LMF1: variants seen among roughly 807,000 people sequenced by gnomAD.
The protein encoded by LMF1 is transmembrane protein 112.
LMF1 carries 68 observed loss-of-function variants against 60.6 expected under a neutral mutation model. The observed-to-expected ratio is 1.12, with a 90% CI of 0.92 to 1.37. The LOEUF is 1.37. Ranked by LOEUF, LMF1 falls within the 40% of genes most tolerant of loss-of-function variation. The pLI, the probability that LMF1 is intolerant of heterozygous loss-of-function variation, is 0.00. For synonymous variants in LMF1, 418 were observed against 324.7 expected (o/e 1.29, Z -3.09); for missense variants, 948 against 767.2 (o/e 1.24, Z -2.78).
At chr16:898,452 C>G (rs773956100) in intron 4 of LMF1, among the ~76,000 whole-genome samples, 3 of 152,232 alleles carry the variant, frequency 2.0e-5, no homozygotes, top group Non-Finnish European at 2.9e-5. Flanking sequence ...AGAGGCTTGT[C>G]TGTCTGAAAA....
At chr16:893,274 CAGG>C in intron 4 of LMF1, 1 of 675,078 alleles carries the variant, frequency 1.5e-6, no homozygotes, top group Non-Finnish European at 2.7e-6. Context: ...GCTTTGAGGA[CAGG>C]AGTTTAGTGC....
intron 1 of LMF1, chr16:979,899 CTCTG>C (rs1567352380): frequency 2.6e-6 from 1 of 386,860 alleles, no homozygotes; most frequent in African/African-American, 2.1e-5. Context: ...CCAGGCGATG[CTCTG>C]AGGGCCACGG....
chr16:927,307 C>G (rs146747952), intron 3 of LMF1, among the ~76,000 whole-genome samples: 9 of 152,222 alleles, frequency 5.9e-5, no homozygotes, highest in African/African-American at 2.2e-4. Context: ...ACCAGAGACA[C>G]GCAGGACCAC....
intron 8 of LMF1, 82 bp from the exon 9 acceptor site, chr16:870,148 G>T: frequency 6.8e-7 from 1 of 1,460,862 alleles, no homozygotes; most frequent in Non-Finnish European, 9.2e-7. Context: ...GGGGTTCCCC[G>T]ACTGTCCATC....
intron 1 of LMF1, among the ~76,000 whole-genome samples, chr16:965,734 G>A (rs182310384): frequency 2.6e-4 from 39 of 152,330 alleles, no homozygotes; most frequent in African/African-American, 8.4e-4. Flanking sequence ...AACCAAGGGA[G>A]GGCTGTGGCA....
intron 3 of LMF1, among the ~76,000 whole-genome samples, chr16:916,290 T>C (rs2071276628): frequency 6.6e-6 from 1 of 152,174 alleles, no homozygotes; most frequent in South Asian, 2.1e-4. Flanking sequence ...AGGAAATCCA[T>C]TAAGTTCGCT....
At chr16:891,549 C>T (rs148168898) in intron 5 of LMF1, among the ~76,000 whole-genome samples, 142 of 152,318 alleles carry the variant, frequency 9.3e-4, no homozygotes, top group Non-Finnish European at 1.5e-3. Flanking sequence ...CAGTGAGATG[C>T]GCTATGGAGC....
At position 954,676 on chromosome 16, in the gene LMF1, A is replaced by C; in HGVS notation, c.194-10T>G. On this transcript the variant is annotated splice_polypyrimidine_tract_variant and intron_variant, in intron 1 of 10. Transcript: ENST00000262301. ...ACCAGGAATGCCACGACTGGAAGAA[A>C]AAGAAGACAAAACAAGCATGACTAG... 1 of 1,576,674 alleles carries C rather than the reference A, an allele frequency of 6.3e-7. No homozygotes were observed. The highest frequency in any genetic ancestry group is 8.6e-7 in the Non-Finnish European group (1 of 1,161,338).
At chr16:866,623 A>T (rs2069617073) in intron 10 of LMF1, among the ~76,000 whole-genome samples, 1 of 151,992 alleles carries the variant, frequency 6.6e-6, no homozygotes, top group South Asian at 2.1e-4. Flanking sequence ...CATCCCAGTG[A>T]GCCGTTTGGA....
rs1242501463 is a variant in LMF1, at chr16:953,349, G to A, written c.503+1008C>T. Among the ~76,000 whole-genome samples the A allele has an allele frequency of 7.3e-5, 6 of 81,816 alleles. No individual in the cohort carries two copies. In the East Asian group the frequency reaches 1.7e-3, roughly 24 times the overall value. 53.7% of individuals were successfully genotyped at this position (81,816 alleles called of 152,430 possible). A position where few individuals can be genotyped will look rare whatever the true frequency, so the allele number is the denominator to read the frequency against. ...CCCACCCCAAACCAGCTTCCTACACGTTCACACAGACACGGACCCCAAACC... is the reference window on the plus strand; with the variant it reads ...CCCACCCCAAACCAGCTTCCTACACATTCACACAGACACGGACCCCAAACC... On this transcript the variant is annotated intron_variant, in intron 2 of 10. Transcript: ENST00000262301.
intron 4 of LMF1, among the ~76,000 whole-genome samples, chr16:910,144 C>T (rs141483905): frequency 4.2e-4 from 64 of 152,356 alleles, no homozygotes; most frequent in Admixed American, 1.1e-3. Flanking sequence ...GTGTGGCAGA[C>T]GTCAAAAGGA....
intron 2 of LMF1, among the ~76,000 whole-genome samples, chr16:945,160 G>A (rs979232614): frequency 7.3e-6 from 1 of 136,384 alleles, no homozygotes; most frequent in Non-Finnish European, 1.5e-5. Flanking sequence ...GCAATGGACC[G>A]AGTTCGCACC....
At chr16:934,312 C>T in intron 2 of LMF1, 58 bp from the exon 3 acceptor site, 1 of 1,594,596 alleles carries the variant, frequency 6.3e-7, no homozygotes, top group Non-Finnish European at 8.5e-7. Context: ...ACCAAAAACC[C>T]ACTGTTTCCC....
chr16:863,187 A>G lies in LMF1; in HGVS notation c.1529+5757T>C, dbSNP rs922333765. 3.9e-5 allele frequency among the ~76,000 whole-genome samples: 6 copies of G among 152,118 alleles called. No homozygotes were observed. In the East Asian group the frequency reaches 7.7e-4, roughly 20 times the overall value. On this transcript the variant is annotated intron_variant, in intron 10 of 10. Coordinates refer to ENST00000262301, the MANE Select transcript of LMF1 (RefSeq NM_022773.4). The stretch of plus-strand genomic sequence containing the variant: ...AGTGATATCTCTTTTTCGTTTCGAG[A>G]CAGAATCTTGTGGTGTCGCCCAGGC...
intron 5 of LMF1, among the ~76,000 whole-genome samples, 200 bp downstream of exon 5, chr16:892,807 C>G (rs1174900566): frequency 6.6e-6 from 1 of 152,214 alleles, no homozygotes; most frequent in Non-Finnish European, 1.5e-5. Context: ...TGGAGGGCCA[C>G]AGACCCCGTC....
At chr16:925,493 G>A (rs574858013) in intron 3 of LMF1, among the ~76,000 whole-genome samples, 1 of 152,312 alleles carries the variant, frequency 6.6e-6, no homozygotes, top group East Asian at 1.9e-4. Flanking sequence ...ACTTTGGGAG[G>A]TCAAGAGAGG....
intron 3 of LMF1, among the ~76,000 whole-genome samples, chr16:931,382 C>T (rs1021097343): frequency 2.6e-5 from 4 of 152,344 alleles, no homozygotes; most frequent in East Asian, 1.9e-4. Flanking sequence ...TCCCAGTGAC[C>T]GACCCCGTGC....
At chr16:882,961 A>G (rs1223402133) in intron 5 of LMF1, among the ~76,000 whole-genome samples, 2 of 145,314 alleles carry the variant, frequency 1.4e-5, no homozygotes, top group Non-Finnish European at 3.0e-5. Flanking sequence ...ACCAGGAGAA[A>G]GAGGAGCTGC....
intron 4 of LMF1, chr16:893,336 C>G (rs1379885175): frequency 3.4e-6 from 2 of 587,086 alleles, no homozygotes; most frequent in Non-Finnish European, 6.4e-6. Flanking sequence ...TTCCCCAACA[C>G]TCATTCTCAG....
Sources: gnomAD v4.1 joint callset for allele counts (sites outside exome capture counted in the v4.1 genomes callset) on GRCh38, gnomAD v4.1.1 for gene constraint, MANE v1.5 for transcripts, NCBI Gene and HGNC (gene_info 2026-07-23, HGNC 2026-07-21) for gene names.